ERC2: variants seen among roughly 807,000 people sequenced by gnomAD.
The protein encoded by ERC2 is ERC protein 2.
ERC2 carries 42 observed loss-of-function variants against 114.8 expected under a neutral mutation model. The observed-to-expected ratio is 0.37, with a 90% CI of 0.29 to 0.47. The LOEUF (loss-of-function observed/expected upper bound fraction) is 0.47, where lower values mean the gene tolerates loss of function less well. ERC2 is among the 20% of genes least tolerant of loss of function. The probability of loss-of-function intolerance (pLI) is 0.99; values close to 1 mark genes in which losing one functional copy is unlikely to be tolerated. For missense variants in ERC2, 939 were observed against 1,150.7 expected, an observed-to-expected ratio of 0.82 and a Z score of 2.66; for synonymous variants, 454 against 425.5, an observed-to-expected ratio of 1.07 and a Z score of -0.82.
At chr3:55,871,096 C>A (rs1275612122) in intron 14 of ERC2, among the ~76,000 whole-genome samples, 1 of 152,166 alleles carries the variant, frequency 6.6e-6, no homozygotes, top group African/African-American at 2.4e-5. Flanking sequence ...ATATGGAAAC[C>A]ACCCCACTGA....
chr3:56,102,026 T>C (rs2078387425), intron 6 of ERC2, among the ~76,000 whole-genome samples: 1 of 152,252 alleles, frequency 6.6e-6, no homozygotes, highest in African/African-American at 2.4e-5. Context: ...GTACTTTCAA[T>C]AACAATTGTT....
At chr3:56,243,620 G>A (rs1403817498) in intron 3 of ERC2, among the ~76,000 whole-genome samples, 1 of 152,182 alleles carries the variant, frequency 6.6e-6, no homozygotes, top group Admixed American at 6.5e-5. Flanking sequence ...GAGTTGAAGA[G>A]GAGGTAAGAG....
At chr3:56,181,121 T>G (rs2150043727) in intron 3 of ERC2, among the ~76,000 whole-genome samples, 1 of 152,354 alleles carries the variant, frequency 6.6e-6, no homozygotes, top group Non-Finnish European at 1.5e-5. Flanking sequence ...ATTCTATAAG[T>G]AAGTGTTTCC....
At chr3:56,398,827 C>T (rs879854727) in intron 2 of ERC2, among the ~76,000 whole-genome samples, 1 of 152,132 alleles carries the variant, frequency 6.6e-6, no homozygotes, top group Non-Finnish European at 1.5e-5. Context: ...CTATGCTGCC[C>T]AGGCTAGCCT....
At chr3:56,340,703 T>C (rs1199806421) in intron 2 of ERC2, among the ~76,000 whole-genome samples, 3 of 152,290 alleles carry the variant, frequency 2.0e-5, no homozygotes, top group South Asian at 4.2e-4. Context: ...ACTCGTGCCC[T>C]GAGGACAACC....
At chr3:55,857,719 GGA>G (rs1441304883) in intron 14 of ERC2, among the ~76,000 whole-genome samples, 1 of 152,156 alleles carries the variant, frequency 6.6e-6, no homozygotes, top group Non-Finnish European at 1.5e-5. Flanking sequence ...CAGGCTCCTT[GGA>G]GAGAGAGAAA....
intron 12 of ERC2, among the ~76,000 whole-genome samples, chr3:55,985,437 T>G (rs1307227660): frequency 6.6e-6 from 1 of 152,204 alleles, no homozygotes; most frequent in Non-Finnish European, 1.5e-5. Context: ...AAATAACATG[T>G]GTGTACAATA....
intron 6 of ERC2, among the ~76,000 whole-genome samples, chr3:56,120,293 C>A (rs13078548): frequency 0.57 from 86,571 of 152,000 alleles, 26,727 homozygotes; most frequent in East Asian, 0.84. Context: ...CAGCCAGTTT[C>A]TCTGATTTAT....
At chr3:56,083,821 C>T (rs1342569543) in intron 6 of ERC2, among the ~76,000 whole-genome samples, 1 of 151,592 alleles carries the variant, frequency 6.6e-6, no homozygotes, top group Non-Finnish European at 1.5e-5. Context: ...GTAGCTATAC[C>T]AGCAATCAGG....
chr3:56,316,088 T>C (rs1222881137), intron 2 of ERC2, among the ~76,000 whole-genome samples: 2 of 151,936 alleles, frequency 1.3e-5, no homozygotes, highest in Non-Finnish European at 2.9e-5. Context: ...CTTGAACCCA[T>C]GCATCTGTAC....
chr3:55,592,773 C>G lies in ERC2; in HGVS notation c.*40-81497G>C, dbSNP rs1331308194. Reference sequence around the variant, plus strand: ...CCTACGTAGTTAAATCACAGCAGCTCTAGGTAGTTAAAACAGCAGAAAGCC... The same window carrying G: ...CCTACGTAGTTAAATCACAGCAGCTGTAGGTAGTTAAAACAGCAGAAAGCC... On this transcript the variant is annotated intron_variant, in intron 17 of 17. Coordinates refer to ENST00000288221, the MANE Select transcript of ERC2 (RefSeq NM_015576.3). Among the ~76,000 whole-genome samples, 5 of 152,166 alleles carry G rather than the reference C, an allele frequency of 3.3e-5. No individual in the cohort carries two copies. In the East Asian group the frequency reaches 9.6e-4, roughly 29 times the overall value.
At chr3:55,724,342 A>C (rs1175161645) in intron 15 of ERC2, among the ~76,000 whole-genome samples, 1 of 152,184 alleles carries the variant, frequency 6.6e-6, no homozygotes, top group Non-Finnish European at 1.5e-5. Context: ...GCTCAGGGTC[A>C]CAGAATAAAG....
intron 7 of ERC2, among the ~76,000 whole-genome samples, chr3:56,044,099 T>G (rs1291528377): frequency 6.6e-6 from 1 of 152,172 alleles, no homozygotes; most frequent in Admixed American, 6.5e-5. Context: ...TTTCATTATC[T>G]TAAGTTAAAA....
chr3:56,074,605 A>C (rs182362341), intron 7 of ERC2, among the ~76,000 whole-genome samples: 11 of 152,304 alleles, frequency 7.2e-5, no homozygotes, highest in African/African-American at 2.6e-4. Flanking sequence ...CTTTTTATTA[A>C]AAAGGAAAAT....
chr3:55,558,360 C>T (rs2055768789), intron 17 of ERC2, among the ~76,000 whole-genome samples: 1 of 152,170 alleles, frequency 6.6e-6, no homozygotes, highest in African/African-American at 2.4e-5. Flanking sequence ...AATAAGGTCC[C>T]AAATATTCTT....
chr3:55,931,524 T>C (rs960625525), intron 13 of ERC2, among the ~76,000 whole-genome samples: 1 of 152,116 alleles, frequency 6.6e-6, no homozygotes, highest in African/African-American at 2.4e-5. Context: ...ACAGCACATG[T>C]TCTCATTCAT....
rs527599722 is a variant in ERC2 at position 55,860,239 on chromosome 3, C to T, written c.2564+28150G>A. On this transcript the variant is annotated intron_variant, in intron 14 of 17. Transcript: ENST00000288221. ...AAATTTACTTGAAAGAGGAAAGAGT[C>T]TGTCAAAAATCCTATAGTAAACACG... Among the ~76,000 whole-genome samples the T allele has an allele frequency of 2.0e-5, 3 of 152,228 alleles. No individual in the cohort carries two copies. The East Asian group carries it at 5.8e-4, about 29-fold the overall frequency.
intron 14 of ERC2, among the ~76,000 whole-genome samples, chr3:55,743,413 G>T (rs1045951799): frequency 6.6e-6 from 1 of 152,182 alleles, no homozygotes; most frequent in African/African-American, 2.4e-5. Flanking sequence ...ACATAGAAAA[G>T]GTCCAAGGCC....
intron 14 of ERC2, among the ~76,000 whole-genome samples, chr3:55,837,013 A>G (rs1447778199): frequency 4.1e-4 from 62 of 152,360 alleles, no homozygotes; most frequent in Non-Finnish European, 1.5e-5. Flanking sequence ...AATGCTCACC[A>G]TCACTGGCCA....
Sources: allele counts gnomAD v4.1 joint callset (sites outside exome capture counted in the v4.1 genomes callset), GRCh38; gene constraint gnomAD v4.1.1; transcripts MANE v1.5; gene names NCBI Gene and HGNC (gene_info 2026-07-23, HGNC 2026-07-21).